The following GALNT13 variants were observed in gnomAD, a reference collection of about 807,000 sequenced individuals.
GALNT13 encodes UDP-GalNAc:polypeptide N-acetylgalactosaminyltransferase 13.
In GALNT13, 28 loss-of-function variants were observed where a neutral mutation model predicts 64.2. That is an observed-to-expected ratio of 0.44 (90% CI 0.32 to 0.60). The LOEUF (loss-of-function observed/expected upper bound fraction) is 0.60, where lower values mean the gene tolerates loss of function less well. Among genes scored for constraint, GALNT13 ranks in the 20% least tolerant of loss-of-function variants. The pLI is 0.05. For missense variants in GALNT13, 577 were observed against 669.8 expected (o/e 0.86, Z 1.53); for synonymous variants, 214 against 224.6 (o/e 0.95, Z 0.42).
chr2:154,266,565 T>C (rs988491383), intron 8 of GALNT13, among the ~76,000 whole-genome samples: 9 of 151,934 alleles, frequency 5.9e-5, no homozygotes, highest in Non-Finnish European at 1.0e-4. Flanking sequence ...GTGCAAGACC[T>C]CTATGCTAAA....
intron 9 of GALNT13, among the ~76,000 whole-genome samples, chr2:154,343,717 A>G (rs1695902439): frequency 6.6e-6 from 1 of 152,084 alleles, no homozygotes; most frequent in African/African-American, 2.4e-5. Flanking sequence ...ATTGATATAT[A>G]CAGTGAATTA....
intron 9 of GALNT13, among the ~76,000 whole-genome samples, chr2:154,375,428 C>G (rs1169197460): frequency 6.6e-6 from 1 of 152,260 alleles, no homozygotes; most frequent in South Asian, 2.1e-4. Flanking sequence ...GGGCTACTTT[C>G]CTTTGCTCAT....
chr2:153,343,784 T>A, the GALNT13 span, among the ~76,000 whole-genome samples: 688 of 152,258 alleles, frequency 4.5e-3, 3 homozygotes, highest in Middle Eastern at 0.017. Context: ...ATTTAAAGGT[T>A]TGTCCACCCC....
intron 3 of GALNT13, among the ~76,000 whole-genome samples, chr2:154,008,289 T>C (rs1301541246): frequency 6.6e-6 from 1 of 152,200 alleles, no homozygotes; most frequent in Non-Finnish European, 1.5e-5. Flanking sequence ...TCATATCTTT[T>C]CACTCAGTTC....
intron 3 of GALNT13, among the ~76,000 whole-genome samples, chr2:154,114,467 C>A (rs1172154511): frequency 2.0e-5 from 3 of 152,160 alleles, no homozygotes; most frequent in Admixed American, 2.0e-4. Flanking sequence ...TCAATGTCAG[C>A]TCAGAGCCAG....
intron 9 of GALNT13, among the ~76,000 whole-genome samples, chr2:154,355,520 T>C (rs181608303): frequency 7.9e-5 from 12 of 152,232 alleles, no homozygotes; most frequent in African/African-American, 2.6e-4. Flanking sequence ...AGGCATCTTA[T>C]GTTTTCTTTT....
chr2:153,710,417 G>C, the GALNT13 span, among the ~76,000 whole-genome samples: 21 of 152,106 alleles, frequency 1.4e-4, no homozygotes, highest in African/African-American at 5.1e-4. Flanking sequence ...ATAATATCTC[G>C]ATACTATTAT....
the GALNT13 span, among the ~76,000 whole-genome samples, chr2:153,566,352 T>TGTTTTTTG: frequency 3.8e-5 from 3 of 79,026 alleles, no homozygotes; most frequent in African/African-American, 1.5e-4. Flanking sequence ...AATCACGTTT[T>TGTTTTTTG]TTTTTTTTTT....
the GALNT13 span, among the ~76,000 whole-genome samples, chr2:153,195,120 G>C: frequency 1.3e-5 from 2 of 152,092 alleles, no homozygotes; most frequent in Non-Finnish European, 2.9e-5. Flanking sequence ...GAGTCCTTTC[G>C]TCCCTTGGAT....
In GALNT13 at chr2:154,053,472, C is replaced by T. The variant is rs561743127; in HGVS notation, c.143-86865C>T. On this transcript the variant is annotated intron_variant, in intron 3 of 12. Transcript: ENST00000392825. Reference sequence around the variant, plus strand: ...ACTTTTAACATTTTATGACCTAAAACTTTTCTGGCCTGGATTTTATATTAA... The same window carrying T: ...ACTTTTAACATTTTATGACCTAAAATTTTTCTGGCCTGGATTTTATATTAA... 4.2e-4 allele frequency among the ~76,000 whole-genome samples: 63 copies of T among 151,374 alleles called. No homozygotes were observed. In the South Asian group the frequency reaches 8.9e-3, roughly 21 times the overall value.
chr2:154,169,866 ACT>A (rs373017960), intron 4 of GALNT13, among the ~76,000 whole-genome samples: 3 of 150,982 alleles, frequency 2.0e-5, no homozygotes, highest in East Asian at 3.9e-4. Context: ...TTGGAGGCTG[ACT>A]CTCTCTCTCT....
At chr2:154,349,342 G>T (rs1696255240) in intron 9 of GALNT13, among the ~76,000 whole-genome samples, 1 of 152,128 alleles carries the variant, frequency 6.6e-6, no homozygotes. Flanking sequence ...AAATTGCAAG[G>T]ATCATCTAAG....
At chr2:154,088,350 T>C (rs934807666) in intron 3 of GALNT13, among the ~76,000 whole-genome samples, 1 of 152,198 alleles carries the variant, frequency 6.6e-6, no homozygotes, top group Non-Finnish European at 1.5e-5. Context: ...CTCTATAGTG[T>C]GTATTTTAAA....
At chr2:153,202,927 T>A in the GALNT13 span, among the ~76,000 whole-genome samples, 61 of 152,324 alleles carry the variant, frequency 4.0e-4, no homozygotes, top group African/African-American at 1.4e-3. Flanking sequence ...CACAATTGAT[T>A]GATTTTATTT....
intron 11 of GALNT13, among the ~76,000 whole-genome samples, chr2:154,414,066 A>T (rs1699903443): frequency 6.6e-6 from 1 of 152,026 alleles, no homozygotes; most frequent in South Asian, 2.1e-4. Context: ...CAGTATTATA[A>T]ACCAAGCCTA....
chr2:153,457,838 A>G, the GALNT13 span, among the ~76,000 whole-genome samples: 4 of 152,150 alleles, frequency 2.6e-5, no homozygotes, highest in Non-Finnish European at 4.4e-5. Flanking sequence ...CCATTCCTGC[A>G]TATACACTCC....
the GALNT13 span, among the ~76,000 whole-genome samples, chr2:153,590,347 C>T: frequency 6.6e-6 from 1 of 151,998 alleles, no homozygotes; most frequent in Non-Finnish European, 1.5e-5. Flanking sequence ...AGTAATAAAT[C>T]TCCCAACAAA....
chr2:153,329,477 T>TA, the GALNT13 span, among the ~76,000 whole-genome samples: 1 of 152,218 alleles, frequency 6.6e-6, no homozygotes, highest in Non-Finnish European at 1.5e-5. Context: ...GTCTGACTGG[T>TA]ATAAGATGGT....
At chr2:154,140,012 T>A (rs1683167976) in intron 3 of GALNT13, among the ~76,000 whole-genome samples, 1 of 152,110 alleles carries the variant, frequency 6.6e-6, no homozygotes, top group East Asian at 1.9e-4. Context: ...CATTATTTTG[T>A]CTGCCTAGTG....
Sources: allele counts gnomAD v4.1 joint callset (sites outside exome capture counted in the v4.1 genomes callset), GRCh38; gene constraint gnomAD v4.1.1; transcripts MANE v1.5; gene names NCBI Gene and HGNC (gene_info 2026-07-23, HGNC 2026-07-21).